SANBR: variants seen among roughly 807,000 people sequenced by gnomAD.
SANBR encodes the protein SANT and BTB domain regulator of class switch recombination.
SANBR carries 77 observed loss-of-function variants against 101.8 expected under a neutral mutation model. The observed-to-expected ratio is 0.76, with a 90% CI of 0.63 to 0.91. SANBR has a LOEUF of 0.91. Among genes scored for constraint, SANBR ranks in the 40% least tolerant of loss-of-function variants. The pLI is 0.00. For synonymous variants in SANBR, 279 were observed against 274.7 expected (o/e 1.02, Z -0.15); for missense variants, 875 against 853.0 (o/e 1.03, Z -0.32).
intron 12 of SANBR, among the ~76,000 whole-genome samples, chr2:61,103,306 T>C (rs550739569): frequency 6.6e-6 from 1 of 152,008 alleles, no homozygotes; most frequent in East Asian, 1.9e-4. Flanking sequence ...CCCAGCTAAT[T>C]TTTTTCTTCC....
chr2:61,075,826 G>C (rs1681735102), intron 5 of SANBR, among the ~76,000 whole-genome samples: 1 of 151,702 alleles, frequency 6.6e-6, no homozygotes, highest in South Asian at 2.1e-4. Context: ...AAGAATTATA[G>C]CTATTTTTCC....
chr2:61,111,788 T>C (rs532572327), intron 16 of SANBR, among the ~76,000 whole-genome samples: 5 of 152,360 alleles, frequency 3.3e-5, no homozygotes, highest in Admixed American at 1.3e-4. Flanking sequence ...GGGTTTCATA[T>C]GAATGGAATC....
intron 5 of SANBR, among the ~76,000 whole-genome samples, chr2:61,076,033 G>A (rs921489455): frequency 1.3e-5 from 2 of 150,970 alleles, no homozygotes; most frequent in Non-Finnish European, 2.9e-5. Flanking sequence ...TTGCTCTGTC[G>A]CCCAGTCTGG....
chr2:61,131,197 C>G (rs1684680023), intron 20 of SANBR, among the ~76,000 whole-genome samples: 1 of 151,880 alleles, frequency 6.6e-6, no homozygotes, highest in Non-Finnish European at 1.5e-5. Flanking sequence ...GAGGATCTAG[C>G]CAGAGCAGTT....
At chr2:61,127,987 T>C (rs1573680460), downstream of SANBR, among the ~76,000 whole-genome samples, 1 of 152,280 alleles carries the variant, frequency 6.6e-6, no homozygotes, top group South Asian at 2.1e-4. Context: ...AAATCCTTAC[T>C]TATGGCCCAG....
Position 61,123,546 on chromosome 2 carries a change from G to T in SANBR, c.*1384G>T. 1.0e-6 allele frequency: 1 copy of T among 961,756 alleles called. No homozygotes were observed. Among genetic ancestry groups the T allele is most frequent in the Non-Finnish European group, 1.2e-6 (1 of 808,392 alleles). 59.6% of individuals were successfully genotyped at this position (961,756 alleles called of 1,614,324 possible). A position where few individuals can be genotyped will look rare whatever the true frequency, so the allele number is the denominator to read the frequency against. On this transcript the variant is annotated 3_prime_UTR_variant, in exon 22 of 22. Coordinates refer to ENST00000402291, the MANE Select transcript of SANBR (RefSeq NM_001129993.3). ...TTTTATTTTCGAAAGAAAATGTCTT[G>T]TAGTACATATTATATGTAAGTACTC...
chr2:61,067,738 T>TAAC (rs150082222), intron 1 of SANBR, among the ~76,000 whole-genome samples: 7,129 of 151,874 alleles, frequency 0.047, 291 homozygotes, highest in African/African-American at 0.12. Context: ...CACTCCGTCT[T>TAAC]AACAACAACA....
At chr2:61,114,937 G>A (rs576743973) in intron 16 of SANBR, among the ~76,000 whole-genome samples, 102 of 152,322 alleles carry the variant, frequency 6.7e-4, no homozygotes, top group South Asian at 1.5e-3. Flanking sequence ...GATTACAGGT[G>A]TGAGCCACCA....
At chr2:61,097,632 T>C in intron 11 of SANBR, 68 bp from the exon 12 acceptor site, 3 of 1,220,824 alleles carry the variant, frequency 2.5e-6, no homozygotes, top group African/African-American at 1.5e-5. Flanking sequence ...ATATTTGGTC[T>C]TAAGTATTTT....
intron 10 of SANBR, among the ~76,000 whole-genome samples, chr2:61,090,159 C>T (rs1682664019): frequency 1.3e-5 from 2 of 151,996 alleles, no homozygotes; most frequent in African/African-American, 4.8e-5. Flanking sequence ...TGAAAAAGTA[C>T]ATAGATACAT....
chr2:61,109,677 G>GTTTTTTTTTTTTTTTTTTT (rs1363427197), intron 16 of SANBR, among the ~76,000 whole-genome samples: 2 of 109,494 alleles, frequency 1.8e-5, no homozygotes, highest in Non-Finnish European at 3.9e-5. Flanking sequence ...TTTTTTTTGT[G>GTTTTTTTTTTTTTTTTTTT]TTTGTTTTTT....
intron 6 of SANBR, among the ~76,000 whole-genome samples, chr2:61,077,678 C>T (rs551799075): frequency 2.0e-5 from 3 of 152,222 alleles, no homozygotes; most frequent in Admixed American, 1.3e-4. Context: ...AAATCTTGAC[C>T]ATTGAATATA....
Position 61,122,614 on chromosome 2 carries a change from G to A in SANBR, c.*452G>A, listed in dbSNP as rs556828952. 6.9e-5 allele frequency: 68 copies of A among 987,016 alleles called. No homozygotes were observed. In the South Asian group the frequency reaches 2.6e-3, roughly 37 times the overall value. 61.1% of individuals were successfully genotyped at this position (987,016 alleles called of 1,614,324 possible). A position where few individuals can be genotyped will look rare whatever the true frequency, so the allele number is the denominator to read the frequency against. Reference sequence around the variant, plus strand: ...CATTGAGAACTGCAGGTTGTGTGACGAAATTCCCAATGATGCTAATTTTAA... The same window carrying A: ...CATTGAGAACTGCAGGTTGTGTGACAAAATTCCCAATGATGCTAATTTTAA... On this transcript the variant is annotated 3_prime_UTR_variant, in exon 22 of 22. Coordinates refer to ENST00000402291, the MANE Select transcript of SANBR (RefSeq NM_001129993.3).
At position 61,122,400 on chromosome 2, in the gene SANBR, G is replaced by T; in HGVS notation, c.*238G>T. 8.3e-7 allele frequency: 1 copy of T among 1,204,890 alleles called. No individual in the cohort carries two copies. Among genetic ancestry groups the T allele is most frequent in the Non-Finnish European group, 1.0e-6 (1 of 967,520 alleles). The allele number at this position is 1,204,890 out of a possible 1,614,324, so 74.6% of individuals were successfully genotyped here. On this transcript the variant is annotated 3_prime_UTR_variant, in exon 22 of 22. Transcript: ENST00000402291. Reference sequence around the variant, plus strand: ...AATATCATTCTAGGCTATGTAGAAAGCAATTATTTACAAATTTGCATAGTT... The same window carrying T: ...AATATCATTCTAGGCTATGTAGAAATCAATTATTTACAAATTTGCATAGTT...
At chr2:61,100,208 G>A (rs775704865) in intron 12 of SANBR, among the ~76,000 whole-genome samples, 4 of 152,152 alleles carry the variant, frequency 2.6e-5, no homozygotes, top group Admixed American at 6.5e-5. Context: ...GGGCTCAAGC[G>A]ATTCTCCTGC....
intron 12 of SANBR, among the ~76,000 whole-genome samples, chr2:61,101,605 C>T (rs1042729790): frequency 6.6e-6 from 1 of 151,828 alleles, no homozygotes; most frequent in African/African-American, 2.4e-5. Context: ...TGGTGGCGGG[C>T]GCCTATAGTT....
chr2:61,114,924 T>C (rs1032958299), intron 16 of SANBR, among the ~76,000 whole-genome samples: 3 of 152,196 alleles, frequency 2.0e-5, no homozygotes, highest in Admixed American at 6.5e-5. Context: ...CCCAAAGTGG[T>C]AGGATTACAG....
At chr2:61,092,708 A>G (rs762220074) in intron 11 of SANBR, 121 bp downstream of exon 11, 10 of 799,352 alleles carry the variant, frequency 1.3e-5, no homozygotes, top group African/African-American at 1.8e-5. Flanking sequence ...CTTTTTAAAG[A>G]AACTAGTGGC....
rs1681406244 is a variant in SANBR at position 61,070,519 on chromosome 2, A to G, written c.150+19A>G. 1.3e-6 allele frequency: 2 copies of G among 1,594,394 alleles called. No individual in the cohort carries two copies. The highest frequency in any genetic ancestry group is 1.2e-5 in the South Asian group (1 of 86,728). ...AAAAGAGGTAAATAACAGTCCCCCC[A>G]GAATATCTCCTGAAAATGTTCAGAA... On this transcript the variant is annotated intron_variant, in intron 3 of 21. Coordinates refer to ENST00000402291, the MANE Select transcript of SANBR (RefSeq NM_001129993.3).
Sources: gnomAD v4.1 joint callset for allele counts (sites outside exome capture counted in the v4.1 genomes callset) on GRCh38, gnomAD v4.1.1 for gene constraint, MANE v1.5 for transcripts, NCBI Gene and HGNC (gene_info 2026-07-23, HGNC 2026-07-21) for gene names.